MECOM: variants seen among roughly 807,000 people sequenced by gnomAD.
The protein encoded by MECOM is histone-lysine N-methyltransferase MECOM.
A neutral mutation model predicts 116.3 loss-of-function variants in MECOM; 13 were observed. The ratio of observed to expected loss-of-function variants is 0.11; its 90% CI spans 0.07 to 0.18. The LOEUF (loss-of-function observed/expected upper bound fraction) is 0.18, where lower values mean the gene tolerates loss of function less well. MECOM is among the 10% of genes least tolerant of loss of function. MECOM has a pLI of 1.00. For missense variants in MECOM, 1,299 were observed against 1,509.0 expected, an observed-to-expected ratio of 0.86 and a Z score of 2.31; for synonymous variants, 528 against 535.2, an observed-to-expected ratio of 0.99 and a Z score of 0.19.
At chr3:169,549,973 G>T (rs1305180010) in intron 1 of MECOM, among the ~76,000 whole-genome samples, 3 of 152,088 alleles carry the variant, frequency 2.0e-5, no homozygotes, top group Admixed American at 1.3e-4. Context: ...CCATTCTGGC[G>T]CAACCTCTAT....
intron 1 of MECOM, among the ~76,000 whole-genome samples, chr3:169,588,510 C>T (rs1399990368): frequency 4.6e-5 from 7 of 152,094 alleles, no homozygotes; most frequent in Non-Finnish European, 1.5e-5. Context: ...AATTTTGAAA[C>T]CACACAATTT....
At position 169,107,669 on chromosome 3, in the gene MECOM, C is replaced by T. The variant is rs146155049; in HGVS notation, c.2604+257G>A. The stretch of plus-strand genomic sequence containing the variant: ...GTTCCCAGGTGTCCAGAAAGAGCTC[C>T]GTATCAAGGTATAATTATGTGGAAT... On this transcript the variant is annotated intron_variant, in intron 10 of 16. Transcript: ENST00000651503. 1.2e-3 allele frequency among the ~76,000 whole-genome samples: 180 copies of T among 152,188 alleles called. 1 individual carries two copies. The highest frequency in any genetic ancestry group is 4.1e-3 in the African/African-American group (169 of 41,522).
At chr3:169,191,940 C>T (rs150898083) in intron 2 of MECOM, among the ~76,000 whole-genome samples, 24 of 152,052 alleles carry the variant, frequency 1.6e-4, no homozygotes, top group Middle Eastern at 3.4e-3. Flanking sequence ...GCATGTGTAT[C>T]GGAGATACTG....
At chr3:169,589,970 G>C (rs1447649741) in intron 1 of MECOM, among the ~76,000 whole-genome samples, 1 of 152,178 alleles carries the variant, frequency 6.6e-6, no homozygotes, top group Non-Finnish European at 1.5e-5. Context: ...CAGGCATTCT[G>C]TCTTCACTTT....
At chr3:169,479,807 G>C (rs1016364071) in intron 1 of MECOM, among the ~76,000 whole-genome samples, 2 of 152,162 alleles carry the variant, frequency 1.3e-5, no homozygotes, top group Non-Finnish European at 2.9e-5. Context: ...TCTTGACAAG[G>C]CAGGAACGTG....
chr3:169,285,091 AT>A (rs1323805804), intron 2 of MECOM, among the ~76,000 whole-genome samples: 3 of 152,084 alleles, frequency 2.0e-5, no homozygotes, highest in Admixed American at 6.5e-5. Flanking sequence ...AGCCTTAAAA[AT>A]TTTTTTTAAC....
At chr3:169,127,416 A>T (rs773740558) in intron 5 of MECOM, among the ~76,000 whole-genome samples, 34 of 152,154 alleles carry the variant, frequency 2.2e-4, no homozygotes, top group Admixed American at 3.9e-4. Flanking sequence ...TCCATGAATT[A>T]CTGCTCTATC....
At chr3:169,135,993 A>G (rs1736243649) in intron 3 of MECOM, among the ~76,000 whole-genome samples, 1 of 151,862 alleles carries the variant, frequency 6.6e-6, no homozygotes, top group Non-Finnish European at 1.5e-5. Flanking sequence ...GGTAAAACCC[A>G]CAGCTTAAGG....
chr3:169,118,794 C>G (rs555779042), intron 7 of MECOM, among the ~76,000 whole-genome samples: 1 of 152,080 alleles, frequency 6.6e-6, no homozygotes, highest in South Asian at 2.1e-4. Flanking sequence ...TGGTGGCACC[C>G]GTTGTTACAT....
At chr3:169,450,295 A>T (rs1745335008) in intron 1 of MECOM, among the ~76,000 whole-genome samples, 1 of 152,176 alleles carries the variant, frequency 6.6e-6, no homozygotes, top group Non-Finnish European at 1.5e-5. Context: ...CTTTAAACAC[A>T]CAGCACCAGG....
chr3:169,121,228 T>C lies in MECOM; in HGVS notation c.979-19A>G, dbSNP rs1730922772. The C allele has an allele frequency of 6.4e-7, 1 of 1,573,306 alleles. No homozygotes were observed. Among genetic ancestry groups the C allele is most frequent in the Non-Finnish European group, 8.7e-7 (1 of 1,155,050 alleles). ...TGAAAACCTGCTAGGAAATGAGTACTGATTAATCAAGAAACTTAACTCAAG... is the reference window on the plus strand; with the variant it reads ...TGAAAACCTGCTAGGAAATGAGTACCGATTAATCAAGAAACTTAACTCAAG... On this transcript the variant is annotated intron_variant, in intron 6 of 16. Coordinates refer to ENST00000651503, the MANE Select transcript of MECOM (RefSeq NM_004991.4).
intron 1 of MECOM, among the ~76,000 whole-genome samples, chr3:169,662,314 C>G (rs1320467109): frequency 6.6e-6 from 1 of 152,162 alleles, no homozygotes; most frequent in East Asian, 1.9e-4. Flanking sequence ...CTGCGCTGCG[C>G]CCTCTCCGCG....
At chr3:169,153,730 G>A (rs1189263665) in intron 2 of MECOM, among the ~76,000 whole-genome samples, 1 of 152,056 alleles carries the variant, frequency 6.6e-6, no homozygotes, top group Non-Finnish European at 1.5e-5. Flanking sequence ...GTGTACCTTT[G>A]GGTAAGTCAC....
chr3:169,594,154 C>CAAAAAAAAAAAAAAAAAAA (rs34331048), intron 1 of MECOM, among the ~76,000 whole-genome samples: 18 of 45,700 alleles, frequency 3.9e-4, no homozygotes, highest in African/African-American at 8.3e-4. Context: ...ACCACCACCA[C>CAAAAAAAAAAAAAAAAAAA]AAAAAAAAAA....
At chr3:169,255,884 T>G (rs1479535794) in intron 2 of MECOM, among the ~76,000 whole-genome samples, 2 of 152,210 alleles carry the variant, frequency 1.3e-5, no homozygotes, top group African/African-American at 4.8e-5. Context: ...ATCATTTTGT[T>G]AAGTATACAC....
chr3:169,139,951 C>T (rs1386388249), intron 3 of MECOM, among the ~76,000 whole-genome samples: 1 of 119,398 alleles, frequency 8.4e-6, no homozygotes, highest in Non-Finnish European at 1.6e-5. Context: ...ATCTAAATAA[C>T]TAGTTTTCTT....
At chr3:169,246,520 AC>A (rs1397405835) in intron 2 of MECOM, among the ~76,000 whole-genome samples, 1 of 150,214 alleles carries the variant, frequency 6.7e-6, no homozygotes, top group Non-Finnish European at 1.5e-5. Flanking sequence ...GAAACAGTAC[AC>A]ATACACTTTT....
intron 2 of MECOM, among the ~76,000 whole-genome samples, chr3:169,250,422 C>A (rs2149582113): frequency 6.6e-6 from 1 of 152,244 alleles, no homozygotes; most frequent in Admixed American, 6.5e-5. Context: ...ACCCGCATAC[C>A]AAGTGAAGAC....
chr3:169,606,433 AT>A (rs1768566521), intron 1 of MECOM, among the ~76,000 whole-genome samples: 1 of 151,914 alleles, frequency 6.6e-6, no homozygotes, highest in African/African-American at 2.4e-5. Flanking sequence ...AGAAAAAGAA[AT>A]GAAAGAAATT....
Sources: allele counts gnomAD v4.1 joint callset (sites outside exome capture counted in the v4.1 genomes callset), GRCh38; gene constraint gnomAD v4.1.1; transcripts MANE v1.5; gene names NCBI Gene and HGNC (gene_info 2026-07-23, HGNC 2026-07-21).